The following DCDC1 variants were observed in gnomAD, a reference collection of about 807,000 sequenced individuals.
DCDC1 encodes doublecortin domain-containing protein 1.
DCDC1 carries 200 observed loss-of-function variants against 178.3 expected under a neutral mutation model. The observed-to-expected ratio is 1.12, with a 90% CI of 1.00 to 1.26. The LOEUF is 1.26. DCDC1 is among the 50% of genes most tolerant of loss of function. The pLI, the probability that DCDC1 is intolerant of heterozygous loss-of-function variation, is 0.00. For missense variants in DCDC1, 1,983 were observed against 1,749.2 expected, an observed-to-expected ratio of 1.13 and a Z score of -2.38; for synonymous variants, 690 against 604.8, an observed-to-expected ratio of 1.14 and a Z score of -2.07.
At chr11:30,905,188 T>C in intron 30 of DCDC1, 24 bp from the exon 31 acceptor site, 1 of 1,549,166 alleles carries the variant, frequency 6.5e-7, no homozygotes, top group Non-Finnish European at 8.7e-7. Flanking sequence ...AAATAAATTG[T>C]ACATTTACTC....
chr11:30,977,440 TA>T (rs1950163645), intron 20 of DCDC1, among the ~76,000 whole-genome samples: 1 of 152,216 alleles, frequency 6.6e-6, no homozygotes, highest in African/African-American at 2.4e-5. Flanking sequence ...ATGTACTTCA[TA>T]AATATGTACA....
intron 36 of DCDC1, among the ~76,000 whole-genome samples, chr11:30,886,533 C>G (rs2134005309): frequency 6.6e-6 from 1 of 151,878 alleles, no homozygotes; most frequent in Non-Finnish European, 1.5e-5. Flanking sequence ...AACTTGTAGA[C>G]AGCCATCTCC....
At chr11:30,934,746 G>A (rs1218002527) in intron 21 of DCDC1, among the ~76,000 whole-genome samples, 6 of 152,146 alleles carry the variant, frequency 3.9e-5, no homozygotes, top group African/African-American at 1.4e-4. Flanking sequence ...AACCACCTGT[G>A]CCTGGGGTCG....
chr11:30,983,858 C>A (rs1427473508), intron 20 of DCDC1, among the ~76,000 whole-genome samples: 1 of 152,084 alleles, frequency 6.6e-6, no homozygotes, highest in Non-Finnish European at 1.5e-5. Flanking sequence ...TGACAATTCT[C>A]TGAGAATGGA....
intron 20 of DCDC1, among the ~76,000 whole-genome samples, chr11:31,045,606 G>A (rs1286563239): frequency 2.0e-5 from 3 of 152,138 alleles, no homozygotes. Flanking sequence ...TGTAAGTTTA[G>A]AGAAACACTT....
chr11:30,902,818 T>A (rs1430884484), intron 32 of DCDC1, among the ~76,000 whole-genome samples: 3 of 152,168 alleles, frequency 2.0e-5, no homozygotes, highest in African/African-American at 7.2e-5. Context: ...AACTACTGAA[T>A]CACTACTACC....
intron 9 of DCDC1, among the ~76,000 whole-genome samples, chr11:31,189,032 G>C (rs1189590681): frequency 6.6e-6 from 1 of 152,134 alleles, no homozygotes; most frequent in Non-Finnish European, 1.5e-5. Flanking sequence ...CAGAGAGCAA[G>C]CCCTCATCAG....
At chr11:31,062,255 T>C (rs1029010373) in intron 20 of DCDC1, among the ~76,000 whole-genome samples, 5 of 152,054 alleles carry the variant, frequency 3.3e-5, no homozygotes, top group Non-Finnish European at 4.4e-5. Context: ...CCCTCAAAAA[T>C]GGCTGAGTAG....
chr11:31,333,015 A>G (rs746735016), intron 2 of DCDC1, among the ~76,000 whole-genome samples: 7 of 152,106 alleles, frequency 4.6e-5, no homozygotes, highest in Non-Finnish European at 7.4e-5. Context: ...TGTGAGAGTC[A>G]AAGTCTCTTT....
chr11:31,084,838 C>T (rs928161630), intron 17 of DCDC1, among the ~76,000 whole-genome samples: 1 of 151,468 alleles, frequency 6.6e-6, no homozygotes, highest in Non-Finnish European at 1.5e-5. Context: ...AATTCCATGA[C>T]AATCTTGACC....
intron 1 of DCDC1, among the ~76,000 whole-genome samples, chr11:31,359,655 C>T (rs561621390): frequency 6.6e-6 from 1 of 152,228 alleles, no homozygotes; most frequent in East Asian, 1.9e-4. Context: ...AATGCAAAGA[C>T]CACTGGGACT....
At chr11:30,935,821 G>A (rs991059717) in intron 21 of DCDC1, among the ~76,000 whole-genome samples, 2 of 152,084 alleles carry the variant, frequency 1.3e-5, no homozygotes, top group Middle Eastern at 3.2e-3. Context: ...CAAAGTGCTG[G>A]GATTACAGGC....
intron 38 of DCDC1, among the ~76,000 whole-genome samples, chr11:30,874,927 A>G (rs1195857902): frequency 6.6e-6 from 1 of 152,172 alleles, no homozygotes. Flanking sequence ...AGCACATCCA[A>G]TTCAGAATCA....
At chr11:31,244,205 A>T (rs932602067) in intron 8 of DCDC1, among the ~76,000 whole-genome samples, 1 of 151,910 alleles carries the variant, frequency 6.6e-6, no homozygotes, top group Non-Finnish European at 1.5e-5. Flanking sequence ...CCTAAAACAT[A>T]CTTTTAAAAT....
At chr11:31,347,397 G>T (rs1394152346) in intron 1 of DCDC1, among the ~76,000 whole-genome samples, 1 of 152,130 alleles carries the variant, frequency 6.6e-6, no homozygotes, top group Admixed American at 6.5e-5. Flanking sequence ...TTGTGAGGGA[G>T]AGTTAGTAAA....
intron 20 of DCDC1, among the ~76,000 whole-genome samples, chr11:31,040,753 G>T (rs1229165780): frequency 6.6e-6 from 1 of 151,816 alleles, no homozygotes; most frequent in African/African-American, 2.4e-5. Flanking sequence ...CACTTCAGAA[G>T]GAAAAAAAAT....
chr11:30,935,773 C>T (rs567441749), intron 21 of DCDC1, among the ~76,000 whole-genome samples: 46 of 152,248 alleles, frequency 3.0e-4, no homozygotes, highest in Non-Finnish European at 4.6e-4. Flanking sequence ...AGGCTGGTCT[C>T]GAACTCCTGA....
intron 9 of DCDC1, among the ~76,000 whole-genome samples, chr11:31,155,074 T>C (rs868708953): frequency 1.3e-5 from 2 of 152,212 alleles, no homozygotes; most frequent in South Asian, 2.1e-4. Flanking sequence ...GGATTCCAAA[T>C]TTTTACTGTC....
chr11:30,946,939 T>C (rs558701566), intron 21 of DCDC1, among the ~76,000 whole-genome samples: 3 of 152,098 alleles, frequency 2.0e-5, no homozygotes, highest in Admixed American at 6.6e-5. Flanking sequence ...CAGGAGACCA[T>C]CTCCCTTCAT....
Sources: allele counts gnomAD v4.1 joint callset (sites outside exome capture counted in the v4.1 genomes callset), GRCh38; gene constraint gnomAD v4.1.1; transcripts MANE v1.5; gene names NCBI Gene and HGNC (gene_info 2026-07-23, HGNC 2026-07-21).